Variants in CFAP91 observed in about 807,000 individuals in gnomAD.
CFAP91 encodes the protein cilia and flagella associated protein 91.
In CFAP91, 85 loss-of-function variants were observed where a neutral mutation model predicts 95.9. The ratio of observed to expected loss-of-function variants is 0.89; its 90% CI spans 0.74 to 1.06. The LOEUF (loss-of-function observed/expected upper bound fraction) is 1.06. CFAP91 is among the 50% of genes least tolerant of loss of function. The pLI is 0.00. For missense variants in CFAP91, 962 were observed against 943.4 expected (o/e 1.02, Z -0.26); for synonymous variants, 335 against 327.5 (o/e 1.02, Z -0.25).
intron 6 of CFAP91, among the ~76,000 whole-genome samples, chr3:119,720,530 GA>G (rs1172240650): frequency 5.3e-5 from 8 of 151,318 alleles, no homozygotes; most frequent in Non-Finnish European, 1.0e-4. Context: ...CTGGTAAAAA[GA>G]AAAAAAAATT....
Position 119,766,338 on chromosome 3 carries a change from A to G in CFAP91, c.*1288A>G, listed in dbSNP as rs1215757403. The G allele has an allele frequency of 6.6e-6, 1 of 152,188 alleles. No individual in the cohort carries two copies. The highest frequency in any genetic ancestry group is 1.5e-5 in the Non-Finnish European group (1 of 68,030). 9.4% of individuals were successfully genotyped at this position (152,188 alleles called of 1,614,324 possible). On this transcript the variant is annotated 3_prime_UTR_variant, in exon 18 of 18. Transcript: ENST00000273390. ...TTCTGAGTTTTTTTTTAAAAAAACT[A>G]ATTATACAAACTTGAAAGGGTTCAC...
At chr3:119,732,614 T>TA in intron 9 of CFAP91, 138 bp downstream of exon 9, 1 of 623,466 alleles carries the variant, frequency 1.6e-6, no homozygotes, top group Non-Finnish European at 2.7e-6. Context: ...TACAAACCAA[T>TA]AAAAACTACT....
intron 6 of CFAP91, among the ~76,000 whole-genome samples, chr3:119,722,789 G>A (rs547770131): frequency 6.6e-6 from 1 of 151,948 alleles, no homozygotes; most frequent in East Asian, 1.9e-4. Flanking sequence ...ACCGCACTTG[G>A]CTGAAAAAAA....
At chr3:119,748,589 T>C (rs1002995751) in intron 16 of CFAP91, among the ~76,000 whole-genome samples, 12 of 152,196 alleles carry the variant, frequency 7.9e-5, no homozygotes, top group Admixed American at 5.9e-4. Context: ...TATTGAAAAT[T>C]ATACCGGGGA....
chr3:119,726,481 C>A, intron 7 of CFAP91, 133 bp downstream of exon 7: 2 of 810,620 alleles, frequency 2.5e-6, no homozygotes, highest in Non-Finnish European at 3.7e-6. Context: ...GGAAATTGGG[C>A]ATCCGGTTCT....
intron 6 of CFAP91, among the ~76,000 whole-genome samples, 198 bp from the exon 7 acceptor site, chr3:119,725,973 A>G (rs1447115911): frequency 6.6e-6 from 1 of 152,174 alleles, no homozygotes; most frequent in African/African-American, 2.4e-5. Flanking sequence ...CTTACGGCTC[A>G]ATTACTAGCA....
At chr3:119,750,359 C>G (rs2054302070) in intron 16 of CFAP91, 1 of 155,064 alleles carries the variant, frequency 6.4e-6, no homozygotes. Context: ...TCATCATCAT[C>G]ACTACTCCTT....
Position 119,707,014 on chromosome 3 carries a change from A to T in CFAP91, c.201+129A>T. On this transcript the variant is annotated intron_variant, in intron 2 of 17. Coordinates refer to ENST00000273390, the MANE Select transcript of CFAP91 (RefSeq NM_033364.4). ...TAGGTTCCACAGAAATTACCTTGCC[A>T]AGATTACTGGAGGGCAAAGCATCTT... is the stretch of plus-strand genomic sequence containing the variant. 4.2e-6 allele frequency: 3 copies of T among 722,336 alleles called. No homozygotes were observed. In the South Asian group the frequency reaches 5.2e-5, roughly 13 times the overall value. The allele number at this position is 722,336 out of a possible 1,614,324, so 44.7% of individuals were successfully genotyped here.
At chr3:119,740,855 G>C (rs1480281966) in intron 13 of CFAP91, 160 bp downstream of exon 13, 1 of 730,676 alleles carries the variant, frequency 1.4e-6, no homozygotes, top group African/African-American at 1.8e-5. Context: ...GTGTGTGTGT[G>C]TGTGTGTGTG....
At chr3:119,747,367 A>T in intron 15 of CFAP91, 104 bp downstream of exon 15, 1 of 1,300,722 alleles carries the variant, frequency 7.7e-7, no homozygotes, top group Non-Finnish European at 1.1e-6. Flanking sequence ...GAAACAAATA[A>T]CTCATACTTC....
At chr3:119,733,553 CAGAT>C (rs1259832765) in intron 10 of CFAP91, 47 bp downstream of exon 10, 1 of 1,584,600 alleles carries the variant, frequency 6.3e-7, no homozygotes, top group African/African-American at 1.4e-5. Flanking sequence ...ATGATTTTTG[CAGAT>C]AAATGCTACA....
intron 3 of CFAP91, 144 bp from the exon 4 acceptor site, chr3:119,708,447 G>GC: frequency 3.4e-6 from 2 of 594,692 alleles, no homozygotes; most frequent in South Asian, 4.3e-5. Flanking sequence ...AAGTTGTATG[G>GC]CAGTCAAATG....
intron 5 of CFAP91, chr3:119,715,297 G>T: frequency 1.8e-6 from 1 of 566,674 alleles, no homozygotes; most frequent in Non-Finnish European, 3.2e-6. Context: ...CTTGCCCAGT[G>T]ACACACATAT....
At chr3:119,748,477 G>T (rs2054266192) in intron 16 of CFAP91, among the ~76,000 whole-genome samples, 1 of 152,158 alleles carries the variant, frequency 6.6e-6, no homozygotes, top group South Asian at 2.1e-4. Context: ...AGAAAAATAA[G>T]ATTCTTCCAT....
At chr3:119,734,781 G>A (rs2107891271) in intron 10 of CFAP91, among the ~76,000 whole-genome samples, 2 of 152,194 alleles carry the variant, frequency 1.3e-5, no homozygotes, top group South Asian at 2.1e-4. Flanking sequence ...TAATTACGCA[G>A]GTCTCCTGAA....
rs758610734 is a variant in CFAP91 at position 119,740,560 on chromosome 3, GAAAGAA to G, written c.1548_1553del (p.Glu517_Lys518del). 1.8e-5 allele frequency: 28 copies of G among 1,538,284 alleles called. No homozygotes were observed. Among genetic ancestry groups the G allele is most frequent in the Non-Finnish European group, 2.4e-5 (27 of 1,133,016 alleles). ...TTGATTTGATACAGATGTTTGAAGG[GAAAGAA>G]AAGCGACTGGAGTTGATCCAGGAGT... On this transcript the variant is annotated inframe_deletion, in exon 13 of 18. Coordinates refer to ENST00000273390, the MANE Select transcript of CFAP91 (RefSeq NM_033364.4).
intron 10 of CFAP91, among the ~76,000 whole-genome samples, chr3:119,733,838 A>T (rs1212754516): frequency 6.6e-6 from 1 of 152,004 alleles, no homozygotes; most frequent in African/African-American, 2.4e-5. Context: ...AATAGGCCCG[A>T]TTTTCTCCCT....
At chr3:119,739,113 G>T in intron 11 of CFAP91, 142 bp from the exon 12 acceptor site, 2 of 703,060 alleles carry the variant, frequency 2.8e-6, no homozygotes, top group South Asian at 1.7e-5. Flanking sequence ...TTCAATAAGG[G>T]CAGGGACCAT....
At chr3:119,763,014 AAC>A (rs768971922) in intron 17 of CFAP91, among the ~76,000 whole-genome samples, 14 of 152,118 alleles carry the variant, frequency 9.2e-5, no homozygotes, top group Non-Finnish European at 1.8e-4. Context: ...AAAAACAATA[AAC>A]AGAGTGAAGA....
Sources: gnomAD v4.1 joint callset for allele counts (sites outside exome capture counted in the v4.1 genomes callset) on GRCh38, gnomAD v4.1.1 for gene constraint, MANE v1.5 for transcripts, NCBI Gene and HGNC (gene_info 2026-07-23, HGNC 2026-07-21) for gene names.